CACNA2D3: variants seen among roughly 807,000 people sequenced by gnomAD.
The protein encoded by CACNA2D3 is voltage-dependent calcium channel subunit alpha-2/delta-3.
In CACNA2D3, 60 loss-of-function variants were observed where a neutral mutation model predicts 160.6. That is an observed-to-expected ratio of 0.37 (90% CI 0.30 to 0.46). CACNA2D3 has a LOEUF of 0.46. Among genes scored for constraint, CACNA2D3 ranks in the 20% least tolerant of loss-of-function variants. The pLI is 1.00. For missense variants in CACNA2D3, 1,205 were observed against 1,365.0 expected (o/e 0.88, Z 1.85); for synonymous variants, 558 against 492.9 (o/e 1.13, Z -1.75).
At chr3:54,710,577 C>T (rs142295980) in intron 11 of CACNA2D3, among the ~76,000 whole-genome samples, 249 of 152,254 alleles carry the variant, frequency 1.6e-3, no homozygotes, top group African/African-American at 5.6e-3. Context: ...CAGAATTTAG[C>T]CACATGGACC....
intron 8 of CACNA2D3, among the ~76,000 whole-genome samples, chr3:54,580,038 TTG>T (rs771355952): frequency 2.0e-5 from 3 of 152,144 alleles, no homozygotes; most frequent in Non-Finnish European, 1.5e-5. Flanking sequence ...TGAGGACCTG[TTG>T]TGAGTGGCAG....
At chr3:54,490,878 A>C (rs1339292289) in intron 4 of CACNA2D3, among the ~76,000 whole-genome samples, 1 of 152,174 alleles carries the variant, frequency 6.6e-6, no homozygotes. Flanking sequence ...GATGGAGCCC[A>C]TCACCATGGA....
At chr3:54,582,550 C>A (rs1702695473) in intron 9 of CACNA2D3, among the ~76,000 whole-genome samples, 1 of 152,184 alleles carries the variant, frequency 6.6e-6, no homozygotes, top group East Asian at 1.9e-4. Context: ...CTATACCACC[C>A]CTGCAGGGCC....
chr3:54,131,477 T>G (rs941527562), intron 2 of CACNA2D3, among the ~76,000 whole-genome samples: 6 of 152,192 alleles, frequency 3.9e-5, no homozygotes, highest in African/African-American at 1.4e-4. Context: ...CTGTGGGAGC[T>G]TGTTCAGAAG....
At chr3:54,170,759 A>G (rs564941223) in intron 2 of CACNA2D3, among the ~76,000 whole-genome samples, 2 of 152,314 alleles carry the variant, frequency 1.3e-5, no homozygotes, top group African/African-American at 2.4e-5. Context: ...TGGCAAGTGT[A>G]CATTTTAAAG....
At chr3:54,788,301 G>T (rs768332647) in intron 13 of CACNA2D3, among the ~76,000 whole-genome samples, 2 of 152,080 alleles carry the variant, frequency 1.3e-5, no homozygotes, top group Non-Finnish European at 2.9e-5. Flanking sequence ...AACATGTTTG[G>T]CTGATTTTCT....
At chr3:54,769,244 T>G (rs1459589155) in intron 13 of CACNA2D3, among the ~76,000 whole-genome samples, 1 of 152,052 alleles carries the variant, frequency 6.6e-6, no homozygotes. Flanking sequence ...GTTTTGAATT[T>G]ATGACTGTCC....
intron 2 of CACNA2D3, among the ~76,000 whole-genome samples, chr3:54,304,488 A>G (rs1559916115): frequency 6.6e-6 from 1 of 152,228 alleles, no homozygotes; most frequent in Non-Finnish European, 1.5e-5. Flanking sequence ...TAAAAAAACA[A>G]TTACATTTAT....
At chr3:54,887,901 C>T (rs1699963391) in intron 23 of CACNA2D3, 58 bp from the exon 24 acceptor site, 9 of 1,352,310 alleles carry the variant, frequency 6.7e-6, no homozygotes, top group Non-Finnish European at 7.4e-6. Context: ...CCATGAGTGC[C>T]TCTCATGCCC....
At chr3:54,272,157 C>T (rs1702635695) in intron 2 of CACNA2D3, among the ~76,000 whole-genome samples, 1 of 152,226 alleles carries the variant, frequency 6.6e-6, no homozygotes, top group South Asian at 2.1e-4. Flanking sequence ...CCCCCATCCA[C>T]AAGGAAGCTG....
intron 29 of CACNA2D3, among the ~76,000 whole-genome samples, chr3:54,981,241 G>A (rs570330503): frequency 3.3e-5 from 5 of 152,142 alleles, no homozygotes; most frequent in Admixed American, 6.5e-5. Flanking sequence ...AGTTTGTTGC[G>A]CCTTCTTGAA....
At chr3:54,408,634 C>T (rs1307663177) in intron 4 of CACNA2D3, among the ~76,000 whole-genome samples, 1 of 152,120 alleles carries the variant, frequency 6.6e-6, no homozygotes, top group African/African-American at 2.4e-5. Flanking sequence ...TGCCATTGCC[C>T]AGTGAGAGCT....
intron 9 of CACNA2D3, among the ~76,000 whole-genome samples, chr3:54,611,848 A>AT (rs1698755325): frequency 1.3e-5 from 2 of 152,192 alleles, no homozygotes; most frequent in African/African-American, 4.8e-5. Context: ...GTTATGTGGC[A>AT]TTTTCTGTTT....
intron 13 of CACNA2D3, 57 bp downstream of exon 13, chr3:54,764,408 G>T: frequency 6.3e-7 from 1 of 1,591,644 alleles, no homozygotes; most frequent in Non-Finnish European, 8.6e-7. Context: ...CCCAAATTGT[G>T]TTAATTCCAG....
intron 2 of CACNA2D3, 107 bp downstream of exon 2, chr3:54,123,701 A>T: frequency 1.1e-6 from 1 of 895,938 alleles, no homozygotes. Flanking sequence ...CAGTTATCGG[A>T]GGACTCTCTG....
intron 21 of CACNA2D3, 62 bp downstream of exon 21, chr3:54,880,925 C>T (rs1273073269): frequency 7.3e-7 from 1 of 1,374,744 alleles, no homozygotes; most frequent in Non-Finnish European, 1.0e-6. Context: ...GAGCTAGCTA[C>T]TGAGTTAGCT....
At chr3:55,022,867 A>C (rs892278213) in intron 35 of CACNA2D3, among the ~76,000 whole-genome samples, 6 of 152,076 alleles carry the variant, frequency 3.9e-5, no homozygotes, top group African/African-American at 1.4e-4. Flanking sequence ...CATCTCTTTC[A>C]TATAATATTT....
At chr3:54,654,308 C>T (rs912458444) in intron 11 of CACNA2D3, among the ~76,000 whole-genome samples, 9 of 152,042 alleles carry the variant, frequency 5.9e-5, no homozygotes, top group East Asian at 1.9e-4. Context: ...GGGTGCCCTC[C>T]GGGGCTTGGC....
rs1191809879 is a variant in CACNA2D3, at chr3:54,660,172, T to A, written c.1167+17931T>A. Among the ~76,000 whole-genome samples, 5 of 151,598 alleles carry A rather than the reference T, an allele frequency of 3.3e-5. No individual in the cohort carries two copies. The East Asian group carries it at 9.7e-4, about 29-fold the overall frequency. On this transcript the variant is annotated intron_variant, in intron 11 of 37. Coordinates refer to ENST00000474759, the MANE Select transcript of CACNA2D3 (RefSeq NM_018398.3). Reference sequence around the variant, plus strand: ...TTTTTTTTTTCTTTTTATTTTTTTTTATTTTTGAGACAGAGTCTTGCTCTG... The same window carrying A: ...TTTTTTTTTTCTTTTTATTTTTTTTAATTTTTGAGACAGAGTCTTGCTCTG...
Sources: gnomAD v4.1 joint callset for allele counts (sites outside exome capture counted in the v4.1 genomes callset) on GRCh38, gnomAD v4.1.1 for gene constraint, MANE v1.5 for transcripts, NCBI Gene and HGNC (gene_info 2026-07-23, HGNC 2026-07-21) for gene names.